The following HPSE2 variants were observed in gnomAD, a reference collection of about 807,000 sequenced individuals.
HPSE2 encodes inactive heparanase-2.
Under a neutral mutation model 60.5 loss-of-function variants are expected in HPSE2, and 38 were observed. The ratio of observed to expected loss-of-function variants is 0.63; its 90% CI spans 0.48 to 0.82. The LOEUF is 0.82. Ranked by LOEUF, HPSE2 falls within the 40% of genes least tolerant of loss-of-function variation. HPSE2 has a pLI of 0.00. For missense variants in HPSE2, 713 were observed against 740.4 expected (o/e 0.96, Z 0.43); for synonymous variants, 295 against 293.2 (o/e 1.01, Z -0.06).
chr10:98,726,906 A>G (rs1259865056), intron 4 of HPSE2, among the ~76,000 whole-genome samples: 1 of 152,118 alleles, frequency 6.6e-6, no homozygotes, highest in East Asian at 1.9e-4. Flanking sequence ...TTAGACTTGT[A>G]AAAGACCTAA....
chr10:99,129,101 A>T (rs1202809887), intron 3 of HPSE2, among the ~76,000 whole-genome samples: 1 of 152,226 alleles, frequency 6.6e-6, no homozygotes, highest in Non-Finnish European at 1.5e-5. Context: ...GGAAAATATC[A>T]CAATCTTAAA....
intron 2 of HPSE2, among the ~76,000 whole-genome samples, chr10:99,179,659 A>G (rs1456852698): frequency 6.6e-6 from 1 of 152,136 alleles, no homozygotes; most frequent in Non-Finnish European, 1.5e-5. Flanking sequence ...GGAAGAATCA[A>G]TATCGTGAAA....
At chr10:98,653,410 ATC>A (rs1410028410) in intron 6 of HPSE2, among the ~76,000 whole-genome samples, 1 of 142,972 alleles carries the variant, frequency 7.0e-6, no homozygotes, top group Non-Finnish European at 1.5e-5. Context: ...TATTCCTTGT[ATC>A]TGTTTTTTTT....
chr10:99,298,625 T>C, the HPSE2 span, among the ~76,000 whole-genome samples: 343 of 152,294 alleles, frequency 2.3e-3, 6 homozygotes, highest in East Asian at 4.6e-3. Context: ...TAGACTTGTT[T>C]TGTAAAAAGT....
Position 98,501,515 on chromosome 10 carries a change from ACT to A in HPSE2, c.1321-11321_1321-11320del, listed in dbSNP as rs552097090. Reference sequence around the variant, plus strand: ...AATCCAGCATCTCTTTATGATTAAAACTCTCCAGCAAAATCAGTATACAAGGG... The same window carrying A: ...AATCCAGCATCTCTTTATGATTAAAACTCCAGCAAAATCAGTATACAAGGG... On this transcript the variant is annotated intron_variant, in intron 9 of 11. Coordinates refer to ENST00000370552, the MANE Select transcript of HPSE2 (RefSeq NM_021828.5). 6.7e-3 allele frequency among the ~76,000 whole-genome samples: 1,026 copies of A among 152,302 alleles called. 2 individuals are homozygous for A. The highest frequency in any genetic ancestry group is 0.011 in the Non-Finnish European group (782 of 68,016).
At position 98,888,135 on chromosome 10, in the gene HPSE2, AACACACAC is replaced by A. The variant is rs3043548; in HGVS notation, c.611-144087_611-144080del. Among the ~76,000 whole-genome samples, 75 of 140,798 alleles carry A rather than the reference AACACACAC, an allele frequency of 5.3e-4. No homozygotes were observed. The East Asian group carries it at 9.9e-3, about 19-fold the overall frequency. The allele number at this position is 140,798 out of a possible 152,430, so 92.4% of individuals were successfully genotyped here. A position where few individuals can be genotyped will look rare whatever the true frequency, so the allele number is the denominator to read the frequency against. On this transcript the variant is annotated intron_variant, in intron 3 of 11. Coordinates refer to ENST00000370552, the MANE Select transcript of HPSE2 (RefSeq NM_021828.5). ...TGCAAAAGGGATAGGTTTTAAAACA[AACACACAC>A]ACACACACACACACACACACACACA...
intron 3 of HPSE2, among the ~76,000 whole-genome samples, chr10:98,963,950 A>G (rs1283850679): frequency 6.6e-6 from 1 of 152,188 alleles, no homozygotes; most frequent in African/African-American, 2.4e-5. Context: ...AGAGTCTATT[A>G]TCTAAACCTA....
At chr10:99,245,611 G>A in the HPSE2 span, among the ~76,000 whole-genome samples, 6 of 152,154 alleles carry the variant, frequency 3.9e-5, no homozygotes, top group South Asian at 6.2e-4. Flanking sequence ...ATCTGATTAG[G>A]AAATTTGAAA....
At chr10:98,890,174 A>G (rs1002043209) in intron 3 of HPSE2, among the ~76,000 whole-genome samples, 2 of 152,280 alleles carry the variant, frequency 1.3e-5, no homozygotes, top group Middle Eastern at 3.4e-3. Flanking sequence ...TACTGAAAAC[A>G]TGTAAGTTAT....
In HPSE2 at chr10:99,099,558, C is replaced by A. The variant is rs556659350; in HGVS notation, c.610+44680G>T. Among the ~76,000 whole-genome samples, 5 of 152,354 alleles carry A rather than the reference C, an allele frequency of 3.3e-5. No homozygotes were observed. The East Asian group carries it at 9.7e-4, about 29-fold the overall frequency. ...GCCTGCCTGCCTCTGTAGGCTCCAA[C>A]CCTGGGGGCAGGGCATAGCTGAACA... On this transcript the variant is annotated intron_variant, in intron 3 of 11. Transcript: ENST00000370552.
chr10:99,152,461 A>T, intron 2 of HPSE2, among the ~76,000 whole-genome samples: 1 of 152,188 alleles, frequency 6.6e-6, no homozygotes, highest in East Asian at 1.9e-4. Flanking sequence ...AGAAATTGTA[A>T]ATATGTAAAT....
At chr10:99,158,046 C>A (rs1178204814) in intron 2 of HPSE2, among the ~76,000 whole-genome samples, 7 of 145,284 alleles carry the variant, frequency 4.8e-5, no homozygotes, top group African/African-American at 1.7e-4. Context: ...ATCAAAACCA[C>A]AATGAGATAC....
chr10:98,995,534 G>A (rs935030391), intron 3 of HPSE2, among the ~76,000 whole-genome samples: 2 of 151,828 alleles, frequency 1.3e-5, no homozygotes, highest in African/African-American at 2.4e-5. Flanking sequence ...TCTCCTCTCC[G>A]GATAAATTTT....
intron 11 of HPSE2, among the ~76,000 whole-genome samples, chr10:98,466,828 T>C (rs1940556127): frequency 6.6e-6 from 1 of 152,134 alleles, no homozygotes; most frequent in South Asian, 2.1e-4. Context: ...TGATCCTGCA[T>C]AAACAGAAAT....
chr10:98,911,110 T>C (rs574576689), intron 3 of HPSE2, among the ~76,000 whole-genome samples: 17 of 152,206 alleles, frequency 1.1e-4, no homozygotes, highest in Non-Finnish European at 2.5e-4. Context: ...ACAAGTCTGT[T>C]GGGCATAGAA....
chr10:98,607,614 G>T (rs986868256), intron 9 of HPSE2, among the ~76,000 whole-genome samples: 2 of 152,088 alleles, frequency 1.3e-5, no homozygotes, highest in Non-Finnish European at 2.9e-5. Context: ...TTTAACCTTT[G>T]CAGTCAATTC....
At chr10:98,615,327 A>C (rs1037945698) in intron 8 of HPSE2, among the ~76,000 whole-genome samples, 4 of 152,234 alleles carry the variant, frequency 2.6e-5, no homozygotes, top group African/African-American at 9.6e-5. Flanking sequence ...CTAACAAATG[A>C]ACACCCTAGC....
chr10:99,250,228 T>C, the HPSE2 span, among the ~76,000 whole-genome samples: 79 of 151,830 alleles, frequency 5.2e-4, no homozygotes, highest in Admixed American at 3.8e-3. Context: ...CTGCTTCCCC[T>C]TCTGCCATAA....
chr10:99,198,041 T>C (rs933560023), intron 2 of HPSE2, among the ~76,000 whole-genome samples: 6 of 151,700 alleles, frequency 4.0e-5, no homozygotes, highest in Non-Finnish European at 2.9e-5. Context: ...ACACTCCAGC[T>C]TGGGCAACAG....
Sources: gnomAD v4.1 joint callset for allele counts (sites outside exome capture counted in the v4.1 genomes callset) on GRCh38, gnomAD v4.1.1 for gene constraint, MANE v1.5 for transcripts, NCBI Gene and HGNC (gene_info 2026-07-23, HGNC 2026-07-21) for gene names.